The following CTNND2 variants were observed in gnomAD, a reference collection of about 807,000 sequenced individuals.
CTNND2 encodes catenin delta 2, also known as catenin delta-2.
Under a neutral mutation model 144.4 loss-of-function variants are expected in CTNND2, and 22 were observed. The ratio of observed to expected loss-of-function variants is 0.15; its 90% CI spans 0.11 to 0.22. The LOEUF is 0.22. CTNND2 is among the 10% of genes least tolerant of loss of function. The pLI, the probability that CTNND2 is intolerant of heterozygous loss-of-function variation, is 1.00. For synonymous variants in CTNND2, 751 were observed against 695.6 expected (o/e 1.08, Z -1.25); for missense variants, 1,353 against 1,618.8 (o/e 0.84, Z 2.82).
intron 8 of CTNND2, among the ~76,000 whole-genome samples, chr5:11,347,792 G>C (rs1025044798): frequency 6.6e-6 from 1 of 152,168 alleles, no homozygotes; most frequent in Non-Finnish European, 1.5e-5. Context: ...AACAATGATA[G>C]AGCTTATTTT....
At chr5:11,895,830 G>A (rs1737353904) in intron 1 of CTNND2, among the ~76,000 whole-genome samples, 1 of 152,068 alleles carries the variant, frequency 6.6e-6, no homozygotes, top group Non-Finnish European at 1.5e-5. Flanking sequence ...ATTAGACGTA[G>A]ACACCAACAA....
intron 2 of CTNND2, among the ~76,000 whole-genome samples, chr5:11,584,414 T>G (rs1405679677): frequency 1.1e-5 from 1 of 88,686 alleles, no homozygotes; most frequent in African/African-American, 3.8e-5. Flanking sequence ...TACATATATA[T>G]ATATTTTTTT....
intron 2 of CTNND2, among the ~76,000 whole-genome samples, chr5:11,614,505 G>C (rs867598659): frequency 6.6e-6 from 1 of 152,136 alleles, no homozygotes; most frequent in Non-Finnish European, 1.5e-5. Context: ...TGGCATTAGC[G>C]TATTAAGATG....
chr5:11,555,060 A>G (rs1202320955), intron 3 of CTNND2, among the ~76,000 whole-genome samples: 1 of 152,166 alleles, frequency 6.6e-6, no homozygotes, highest in Admixed American at 6.6e-5. Context: ...AAACAATACC[A>G]ATGAGATAAG....
intron 9 of CTNND2, among the ~76,000 whole-genome samples, chr5:11,241,160 C>T (rs1052994748): frequency 2.0e-5 from 3 of 152,006 alleles, no homozygotes; most frequent in Admixed American, 1.3e-4. Flanking sequence ...CTCACACACC[C>T]AACACACACA....
At chr5:11,505,334 GT>G (rs1770925381) in intron 3 of CTNND2, among the ~76,000 whole-genome samples, 4 of 152,276 alleles carry the variant, frequency 2.6e-5, no homozygotes, top group African/African-American at 9.6e-5. Flanking sequence ...TAGGAGAGAA[GT>G]TGAGAAAATC....
intron 3 of CTNND2, among the ~76,000 whole-genome samples, chr5:11,542,303 T>A (rs981866014): frequency 3.9e-5 from 6 of 152,206 alleles, no homozygotes; most frequent in African/African-American, 1.2e-4. Context: ...TGACTCTACC[T>A]ATTCATTATT....
chr5:11,473,881 G>C (rs1478222737), intron 3 of CTNND2, among the ~76,000 whole-genome samples: 1 of 152,238 alleles, frequency 6.6e-6, no homozygotes, highest in Non-Finnish European at 1.5e-5. Context: ...AAGCTGTGTG[G>C]ATCTTAGTTA....
At chr5:11,725,188 A>T (rs886163238) in intron 2 of CTNND2, among the ~76,000 whole-genome samples, 2 of 152,218 alleles carry the variant, frequency 1.3e-5, no homozygotes, top group Non-Finnish European at 2.9e-5. Context: ...TACCTGTGTC[A>T]CTGATGCATG....
At chr5:11,071,555 AT>A (rs1052283984) in intron 16 of CTNND2, among the ~76,000 whole-genome samples, 64 of 142,830 alleles carry the variant, frequency 4.5e-4, no homozygotes, top group African/African-American at 9.3e-4. Context: ...GTCTTCAAAA[AT>A]TTTTTTTTCA....
At chr5:11,621,427 G>T (rs1220958394) in intron 2 of CTNND2, among the ~76,000 whole-genome samples, 3 of 151,992 alleles carry the variant, frequency 2.0e-5, no homozygotes, top group African/African-American at 7.2e-5. Context: ...ATGCAGAGTT[G>T]ATTCCAGATT....
intron 5 of CTNND2, among the ~76,000 whole-genome samples, chr5:11,411,168 G>A (rs529992953): frequency 1.7e-4 from 26 of 152,070 alleles, no homozygotes; most frequent in African/African-American, 5.8e-4. Context: ...CACCGCGCCC[G>A]GCCAGCATTG....
chr5:11,315,175 C>T (rs566092575), intron 9 of CTNND2, among the ~76,000 whole-genome samples: 148 of 152,222 alleles, frequency 9.7e-4, no homozygotes, highest in Non-Finnish European at 1.7e-3. Flanking sequence ...TTAGAGTTTT[C>T]AAAACTATGA....
intron 1 of CTNND2, among the ~76,000 whole-genome samples, chr5:11,844,993 G>A (rs1451695318): frequency 2.6e-5 from 4 of 152,086 alleles, no homozygotes; most frequent in South Asian, 4.2e-4. Flanking sequence ...GGGAGCTAGC[G>A]TGTGACTCTA....
Position 11,636,016 on chromosome 5 carries a change from A to G in CTNND2, c.175-70960T>C, listed in dbSNP as rs924648176. 3.0e-4 allele frequency among the ~76,000 whole-genome samples: 44 copies of G among 144,840 alleles called. No homozygotes were observed. The Admixed American group carries it at 3.0e-3, about 10-fold the overall frequency. ...ATCTTCTGAGGCCCTCCAAGCATCA[A>G]TGGTTTAATCCCCCCCCACCCCCGC... On this transcript the variant is annotated intron_variant, in intron 2 of 21. Coordinates refer to ENST00000304623, the MANE Select transcript of CTNND2 (RefSeq NM_001332.4).
chr5:11,549,082 G>A (rs1775523042), intron 3 of CTNND2, among the ~76,000 whole-genome samples: 1 of 152,122 alleles, frequency 6.6e-6, no homozygotes, highest in South Asian at 2.1e-4. Flanking sequence ...TTTTATCTTG[G>A]TATTAATTGG....
intron 10 of CTNND2, among the ~76,000 whole-genome samples, chr5:11,200,835 C>T (rs140509604): frequency 9.2e-5 from 14 of 152,182 alleles, no homozygotes; most frequent in African/African-American, 1.2e-4. Flanking sequence ...TCCGCCACCA[C>T]GCCCGGCTAT....
In CTNND2 at chr5:11,623,808, GTATATATATATATA is replaced by G. The variant is rs58954001; in HGVS notation, c.175-58766_175-58753del. On this transcript the variant is annotated intron_variant, in intron 2 of 21. Transcript: ENST00000304623. ...ATCGTAAATATATATATGTGTGTAT[GTATATATATATATA>G]TATATATATATATATATATATATAT... Among the ~76,000 whole-genome samples, 186 of 40,734 alleles carry G rather than the reference GTATATATATATATA, an allele frequency of 4.6e-3. 1 individual carries two copies. The highest frequency in any genetic ancestry group is 0.011 in the African/African-American group (138 of 12,640). The allele number at this position is 40,734 out of a possible 152,430, so 26.7% of individuals were successfully genotyped here. A position where few individuals can be genotyped will look rare whatever the true frequency, so the allele number is the denominator to read the frequency against.
At chr5:11,559,519 C>A (rs1406904596) in intron 3 of CTNND2, among the ~76,000 whole-genome samples, 1 of 152,114 alleles carries the variant, frequency 6.6e-6, no homozygotes, top group East Asian at 1.9e-4. Context: ...TCTTCTATAC[C>A]TAGGTCTTAC....
Sources: gnomAD v4.1 joint callset for allele counts (sites outside exome capture counted in the v4.1 genomes callset) on GRCh38, gnomAD v4.1.1 for gene constraint, MANE v1.5 for transcripts, NCBI Gene and HGNC (gene_info 2026-07-23, HGNC 2026-07-21) for gene names.